Variants in PCDHGA3 observed in about 807,000 individuals in gnomAD.
PCDHGA3 encodes protocadherin gamma subfamily A, 3.
PCDHGA3 carries 40 observed loss-of-function variants against 58.5 expected under a neutral mutation model. The ratio of observed to expected loss-of-function variants is 0.68; its 90% CI spans 0.53 to 0.89. The LOEUF is 0.89. Among genes scored for constraint, PCDHGA3 ranks in the 40% least tolerant of loss-of-function variants. PCDHGA3 has a pLI of 0.00. For missense variants in PCDHGA3, 1,223 were observed against 1,195.9 expected (o/e 1.02, Z -0.33); for synonymous variants, 530 against 525.7 (o/e 1.01, Z -0.11).
At chr5:141,375,512 C>G in intron 1 of PCDHGA3, 3 of 1,614,054 alleles carry the variant, frequency 1.9e-6, no homozygotes, top group Non-Finnish European at 2.5e-6. Flanking sequence ...TGTGAATGCA[C>G]TGGACCCTGA....
chr5:141,422,453 G>A, intron 1 of PCDHGA3: 3 of 1,611,704 alleles, frequency 1.9e-6, no homozygotes, highest in Non-Finnish European at 2.5e-6. Context: ...ATAACAAGCA[G>A]AGTGCTGGAC....
At chr5:141,421,079 T>A (rs2096545177) in intron 1 of PCDHGA3, 1 of 630,528 alleles carries the variant, frequency 1.6e-6, no homozygotes, top group Non-Finnish European at 2.7e-6. Context: ...AGATGGATAC[T>A]CACAGATCCT....
intron 1 of PCDHGA3, among the ~76,000 whole-genome samples, chr5:141,347,734 C>A (rs1298834952): frequency 6.6e-6 from 1 of 151,324 alleles, no homozygotes; most frequent in Non-Finnish European, 1.5e-5. Flanking sequence ...TTGCAGAGAG[C>A]CAAAATTGGG....
intron 1 of PCDHGA3, chr5:141,395,296 ATG>A: frequency 6.6e-7 from 1 of 1,524,308 alleles, no homozygotes. Flanking sequence ...GGCATAAATT[ATG>A]TTTTGAAAAA....
chr5:141,383,168 T>C, intron 1 of PCDHGA3: 1 of 1,614,096 alleles, frequency 6.2e-7, no homozygotes. Flanking sequence ...GCGGGCAGGA[T>C]AGACCGGGAA....
At chr5:141,403,928 G>A in intron 1 of PCDHGA3, 1 of 1,613,876 alleles carries the variant, frequency 6.2e-7, no homozygotes, top group Non-Finnish European at 8.5e-7. Flanking sequence ...AGATGGTGGG[G>A]GATTGAAAGG....
In PCDHGA3 at chr5:141,512,926, T is replaced by C. The variant is rs1438111849; in HGVS notation, c.*1753T>C. The C allele has an allele frequency of 6.6e-6, 1 of 152,216 alleles. No homozygotes were observed. The highest frequency in any genetic ancestry group is 1.5e-5 in the Non-Finnish European group (1 of 68,048). 9.4% of individuals were successfully genotyped at this position (152,216 alleles called of 1,614,324 possible). A position where few individuals can be genotyped will look rare whatever the true frequency, so the allele number is the denominator to read the frequency against. On this transcript the variant is annotated 3_prime_UTR_variant, in exon 4 of 4. Coordinates refer to ENST00000253812, the MANE Select transcript of PCDHGA3 (RefSeq NM_018916.4). ...CGCAAGTTTTATACTCTAATATTTA[T>C]ATGGCTTTTTTTCTTCGACAAAAAA...
intron 1 of PCDHGA3, chr5:141,416,320 A>G (rs1482631457): frequency 1.3e-5 from 2 of 152,208 alleles, no homozygotes; most frequent in East Asian, 1.9e-4. Flanking sequence ...TAGCATTTTA[A>G]TTTAACTTTC....
At chr5:141,372,265 G>T (rs1317887998) in intron 1 of PCDHGA3, 2 of 1,613,014 alleles carry the variant, frequency 1.2e-6, no homozygotes, top group Non-Finnish European at 1.7e-6. Flanking sequence ...CTGCGCACGG[G>T]TGAGGTGCGC....
chr5:141,412,847 A>G (rs1206334568), intron 1 of PCDHGA3: 1 of 213,282 alleles, frequency 4.7e-6, no homozygotes, highest in Non-Finnish European at 9.1e-6. Flanking sequence ...AGGAGTGGAG[A>G]AACCAAAGAA....
Position 141,489,068 on chromosome 5 carries a change from G to GC in PCDHGA3, c.2425-5736dup. ...CTCAAATTCAGCTCCCCTCCCCCCT[G>GC]CCCACCCCCGCCACTCGGTGACTAA... On this transcript the variant is annotated intron_variant, in intron 1 of 3. Transcript: ENST00000253812. The surrounding 1 kb of genome is among the most constrained non-coding windows in gnomAD (Gnocchi z 4.5). 3 of 291,558 alleles carry GC rather than the reference G, an allele frequency of 1.0e-5. No homozygotes were observed. Among genetic ancestry groups the GC allele is most frequent in the Admixed American group, 5.4e-5 (1 of 18,530 alleles). 18.1% of individuals were successfully genotyped at this position (291,558 alleles called of 1,614,324 possible).
intron 2 of PCDHGA3, 69 bp from the exon 3 acceptor site, chr5:141,505,324 G>T: frequency 6.2e-7 from 1 of 1,607,102 alleles, no homozygotes; most frequent in African/African-American, 1.3e-5. Context: ...GGAGCCCTGG[G>T]AGAGGACAGG....
At chr5:141,375,677 G>C (rs1171088976) in intron 1 of PCDHGA3, 2 of 1,614,236 alleles carry the variant, frequency 1.2e-6, no homozygotes, top group African/African-American at 2.7e-5. Flanking sequence ...ACAGCTGTGG[G>C]TGACAGCCAG....
chr5:141,347,137 C>CTCTTTCTCTCTTTCTTTCTT (rs1757890365), intron 1 of PCDHGA3, among the ~76,000 whole-genome samples: 1 of 113,744 alleles, frequency 8.8e-6, no homozygotes, highest in African/African-American at 3.8e-5. Flanking sequence ...CTCTGTTTCT[C>CTCTTTCTCTCTTTCTTTCTT]TCTTTCTTTC....
chr5:141,374,130 T>C, intron 1 of PCDHGA3: 3 of 1,604,204 alleles, frequency 1.9e-6, no homozygotes, highest in Non-Finnish European at 1.7e-6. Flanking sequence ...CAGGTCCTGC[T>C]CCTCACGCTC....
intron 1 of PCDHGA3, among the ~76,000 whole-genome samples, chr5:141,347,500 T>G (rs1026754651): frequency 6.6e-6 from 1 of 151,896 alleles, no homozygotes; most frequent in African/African-American, 2.4e-5. Context: ...AGAACAAAAA[T>G]GTAGAGGCTG....
chr5:141,409,919 G>C (rs774277848), intron 1 of PCDHGA3: 1 of 1,613,346 alleles, frequency 6.2e-7, no homozygotes, highest in South Asian at 1.1e-5. Flanking sequence ...TGACGGCTCC[G>C]CGTTCTTCGA....
chr5:141,371,226 A>C (rs772683388), intron 1 of PCDHGA3: 19 of 1,613,954 alleles, frequency 1.2e-5, no homozygotes, highest in Non-Finnish European at 1.6e-5. Flanking sequence ...TGCCGAAATC[A>C]TCTATGCCTT....
At chr5:141,398,415 C>T (rs2093654537) in intron 1 of PCDHGA3, 2 of 1,487,146 alleles carry the variant, frequency 1.3e-6, no homozygotes, top group Non-Finnish European at 1.9e-6. Context: ...AGGAGATATG[C>T]GGGAAGAAGC....
Sources: gnomAD v4.1 joint callset for allele counts (sites outside exome capture counted in the v4.1 genomes callset) on GRCh38, gnomAD v4.1.1 for gene constraint, Gnocchi (gnomAD v3.1) non-coding constraint, MANE v1.5 for transcripts, NCBI Gene and HGNC (gene_info 2026-07-23, HGNC 2026-07-21) for gene names.